TSGA10: variants seen among roughly 807,000 people sequenced by gnomAD.
TSGA10 encodes the protein testis-specific gene 10 protein.
In TSGA10, 43 loss-of-function variants were observed where a neutral mutation model predicts 96.6. The ratio of observed to expected loss-of-function variants is 0.44; its 90% CI spans 0.35 to 0.57. The LOEUF (loss-of-function observed/expected upper bound fraction) is 0.57, where lower values mean the gene tolerates loss of function less well. Ranked by LOEUF, TSGA10 falls within the 20% of genes least tolerant of loss-of-function variation. The pLI, the probability that TSGA10 is intolerant of heterozygous loss-of-function variation, is 0.01. For synonymous variants in TSGA10, 229 were observed against 269.9 expected (o/e 0.85, Z 1.48); for missense variants, 703 against 834.4 (o/e 0.84, Z 1.94).
intron 16 of TSGA10, among the ~76,000 whole-genome samples, chr2:99,038,949 C>T (rs2081926611): frequency 6.6e-6 from 1 of 151,984 alleles, no homozygotes; most frequent in African/African-American, 2.4e-5. Flanking sequence ...CTTCTCAAAC[C>T]ACAATGGAAT....
chr2:99,143,951 C>G (rs1222719429), intron 1 of TSGA10, among the ~76,000 whole-genome samples: 2 of 152,132 alleles, frequency 1.3e-5, no homozygotes, highest in Non-Finnish European at 2.9e-5. Flanking sequence ...AAAAAAAAAT[C>G]TGGGACTCCA....
intron 3 of TSGA10, 81 bp downstream of exon 3, chr2:99,118,468 AGT>A: frequency 2.3e-6 from 1 of 434,706 alleles, no homozygotes; most frequent in Non-Finnish European, 3.0e-6. Context: ...AAAAAAAAAA[AGT>A]ATATATACAT....
chr2:99,094,444 C>T (rs2089772181), intron 10 of TSGA10, among the ~76,000 whole-genome samples: 1 of 151,982 alleles, frequency 6.6e-6, no homozygotes, highest in African/African-American at 2.4e-5. Context: ...AAAAGAAACA[C>T]TCAGCAGAGT....
At chr2:99,088,314 T>C (rs1324942683) in intron 10 of TSGA10, among the ~76,000 whole-genome samples, 6 of 152,218 alleles carry the variant, frequency 3.9e-5, no homozygotes, top group Non-Finnish European at 8.8e-5. Flanking sequence ...TTATTGTTGT[T>C]ATATTTTATT....
intron 1 of TSGA10, chr2:99,151,605 T>C (rs1037504518): frequency 6.6e-6 from 1 of 152,244 alleles, no homozygotes; most frequent in Admixed American, 6.5e-5. Flanking sequence ...TTTGCATTTT[T>C]GTTCTGTAAA....
In TSGA10 at chr2:99,059,129, C is replaced by T. The variant is rs988724739; in HGVS notation, c.1404+5810G>A. Among the ~76,000 whole-genome samples, 3 of 147,120 alleles carry T rather than the reference C, an allele frequency of 2.0e-5. No homozygotes were observed. The South Asian group carries it at 6.4e-4, about 31-fold the overall frequency. ...TAATAATGTATGTTTAAAAATACAT[C>T]ATGACCTTGCACCACGAGTGCAGCC... On this transcript the variant is annotated intron_variant, in intron 16 of 20. Coordinates refer to ENST00000393483, the MANE Select transcript of TSGA10 (RefSeq NM_025244.4).
intron 11 of TSGA10, chr2:99,079,069 G>T: frequency 3.5e-6 from 1 of 289,038 alleles, no homozygotes; most frequent in East Asian, 6.3e-5. Context: ...GCTCTACATC[G>T]CAAGCTGTCA....
rs766639095 is a variant in TSGA10, at chr2:99,105,651, C to T, written c.257G>A (p.Cys86Tyr). 18 of 1,597,348 alleles carry T rather than the reference C, an allele frequency of 1.1e-5. No individual in the cohort carries two copies. The highest frequency in any genetic ancestry group is 1.4e-5 in the Non-Finnish European group (16 of 1,165,872). The stretch of plus-strand genomic sequence containing the variant: ...TGCCGTTGTTGATTTAGGACTCTTA[C>T]AGCTTTTCATCATTTCTCGTCGAAG... ...TRLRREMMKS[C>Y]KSPKSTTAHA... The change falls in exon 8 of 21, where the codon TGT becomes TAT. Residue 86 changes from cysteine to tyrosine, a missense_variant. By Grantham distance (194) the Cys-to-Tyr change is radical (BLOSUM62 -2). Transcript: ENST00000393483.
chr2:99,143,553 C>T (rs2093600623), intron 1 of TSGA10, among the ~76,000 whole-genome samples: 1 of 151,938 alleles, frequency 6.6e-6, no homozygotes, highest in African/African-American at 2.4e-5. Context: ...TCACTGCACC[C>T]TCCACCTTTC....
At chr2:99,051,599 G>C (rs563316023) in intron 16 of TSGA10, among the ~76,000 whole-genome samples, 2 of 152,092 alleles carry the variant, frequency 1.3e-5, no homozygotes, top group African/African-American at 4.8e-5. Context: ...CAGGTAAATA[G>C]AAGACTTAAA....
chr2:99,045,777 A>G (rs961734662), intron 16 of TSGA10, among the ~76,000 whole-genome samples: 1 of 152,244 alleles, frequency 6.6e-6, no homozygotes, highest in Non-Finnish European at 1.5e-5. Context: ...CAATTAAAAG[A>G]CACAGACTGG....
chr2:99,023,813 G>C (rs2104982830), intron 17 of TSGA10, among the ~76,000 whole-genome samples: 1 of 152,220 alleles, frequency 6.6e-6, no homozygotes, highest in African/African-American at 2.4e-5. Flanking sequence ...AGCCAGTTTT[G>C]AAATCAGGGA....
At chr2:99,064,341 C>A (rs1044593337) in intron 16 of TSGA10, among the ~76,000 whole-genome samples, 8 of 152,076 alleles carry the variant, frequency 5.3e-5, no homozygotes, top group Admixed American at 2.6e-4. Context: ...ATATATATAT[C>A]AAAATAGATG....
chr2:99,064,220 T>C (rs1222379582), intron 16 of TSGA10, among the ~76,000 whole-genome samples: 1 of 152,044 alleles, frequency 6.6e-6, no homozygotes, highest in African/African-American at 2.4e-5. Flanking sequence ...CAGTGTTTTA[T>C]CACAGAAAAA....
At chr2:99,068,542 G>T in intron 15 of TSGA10, among the ~76,000 whole-genome samples, 1 of 152,112 alleles carries the variant, frequency 6.6e-6, no homozygotes, top group Middle Eastern at 3.2e-3. Context: ...ATTCTGATCT[G>T]CTACATAATC....
chr2:99,003,096 A>T (rs1325250565), intron 20 of TSGA10, among the ~76,000 whole-genome samples: 2 of 152,144 alleles, frequency 1.3e-5, no homozygotes, highest in Non-Finnish European at 2.9e-5. Flanking sequence ...TGACCTCGTG[A>T]TCCACCTGCC....
At chr2:99,143,611 C>CGG (rs2093601241) in intron 1 of TSGA10, among the ~76,000 whole-genome samples, 1 of 152,026 alleles carries the variant, frequency 6.6e-6, no homozygotes, top group Non-Finnish European at 1.5e-5. Flanking sequence ...GCTGGGACCA[C>CGG]AGGTATGTGC....
At chr2:99,151,779 G>C (rs572935430) in intron 1 of TSGA10, among the ~76,000 whole-genome samples, 2 of 151,054 alleles carry the variant, frequency 1.3e-5, no homozygotes, top group Non-Finnish European at 2.9e-5. Flanking sequence ...CTTGCAGATG[G>C]TACCATTTTA....
intron 16 of TSGA10, among the ~76,000 whole-genome samples, chr2:99,040,032 T>G (rs2082039122): frequency 6.6e-6 from 1 of 152,128 alleles, no homozygotes; most frequent in Admixed American, 6.5e-5. Flanking sequence ...CATGATCATC[T>G]CCATAGATGC....
Sources: allele counts gnomAD v4.1 joint callset (sites outside exome capture counted in the v4.1 genomes callset), GRCh38; gene constraint gnomAD v4.1.1; transcripts MANE v1.5; gene names NCBI Gene and HGNC (gene_info 2026-07-23, HGNC 2026-07-21).